The following SLC26A8 variants were observed in gnomAD, a reference collection of about 807,000 sequenced individuals.
The protein encoded by SLC26A8 is solute carrier family 26 member 8.
In SLC26A8, 70 loss-of-function variants were observed where a neutral mutation model predicts 105.0. That is an observed-to-expected ratio of 0.67 (90% confidence interval 0.55 to 0.81). The LOEUF (loss-of-function observed/expected upper bound fraction) is 0.81, where lower values mean the gene tolerates loss of function less well. Among genes scored for constraint, SLC26A8 ranks in the 40% least tolerant of loss-of-function variants. SLC26A8 has a pLI of 0.00. For synonymous variants in SLC26A8, 415 were observed against 438.3 expected (o/e 0.95, Z 0.66); for missense variants, 998 against 1,181.8 (o/e 0.84, Z 2.28).
chr6:36,020,598 G>A (rs1396821962), intron 1 of SLC26A8, among the ~76,000 whole-genome samples: 2 of 152,058 alleles, frequency 1.3e-5, no homozygotes, highest in African/African-American at 4.8e-5. Flanking sequence ...CAGCCTGGGT[G>A]TCAGAGCGAG....
At chr6:35,999,330 G>C (rs1475969446) in intron 4 of SLC26A8, among the ~76,000 whole-genome samples, 1 of 148,214 alleles carries the variant, frequency 6.7e-6, no homozygotes, top group African/African-American at 2.7e-5. Flanking sequence ...GTTCAGTGGA[G>C]AAATCCAGGA....
intron 11 of SLC26A8, among the ~76,000 whole-genome samples, chr6:35,966,524 A>G (rs1772522491): frequency 6.6e-6 from 1 of 152,188 alleles, no homozygotes; most frequent in South Asian, 2.1e-4. Context: ...CCCAGAGATA[A>G]CCACTGGTAT....
rs114434184 is a variant in SLC26A8 at position 35,957,930 on chromosome 6, T to A, written c.1863+1530A>T. Among the ~76,000 whole-genome samples the A allele has an allele frequency of 9.8e-4, 149 of 152,182 alleles. 1 individual carries two copies. Among genetic ancestry groups the A allele is most frequent in the South Asian group, 1.0e-3 (5 of 4,816 alleles). On this transcript the variant is annotated intron_variant, in intron 16 of 19. Coordinates refer to ENST00000490799, the MANE Select transcript of SLC26A8 (RefSeq NM_052961.4). ...CATCCGAGATCCTTCTTTTCTCTCCTCCATCTACTCTACGTTCTTATCTTT... is the reference window on the plus strand; with the variant it reads ...CATCCGAGATCCTTCTTTTCTCTCCACCATCTACTCTACGTTCTTATCTTT...
chr6:36,016,531 T>G (rs1231950744), intron 2 of SLC26A8, among the ~76,000 whole-genome samples: 1 of 152,244 alleles, frequency 6.6e-6, no homozygotes, highest in South Asian at 2.1e-4. Context: ...CTTGAAATAT[T>G]AGTTACATTC....
chr6:36,016,857 G>C (rs1762006577), intron 2 of SLC26A8, among the ~76,000 whole-genome samples: 1 of 152,062 alleles, frequency 6.6e-6, no homozygotes, highest in Non-Finnish European at 1.5e-5. Context: ...AAAATTCATA[G>C]AAGGAAACAT....
At chr6:35,966,023 TTTC>T (rs1366944986) in intron 11 of SLC26A8, among the ~76,000 whole-genome samples, 3 of 151,760 alleles carry the variant, frequency 2.0e-5, no homozygotes, top group African/African-American at 7.3e-5. Context: ...AAAAAAAGAT[TTTC>T]TTGTGGTCAT....
chr6:35,978,888 AG>A (rs1020930805), intron 8 of SLC26A8, among the ~76,000 whole-genome samples: 1 of 147,850 alleles, frequency 6.8e-6, no homozygotes, highest in African/African-American at 2.5e-5. Context: ...TGTGTCACCC[AG>A]GCTGGAGTGC....
intron 16 of SLC26A8, 120 bp from the exon 17 acceptor site, chr6:35,955,640 GAGAGTAGGTACTGTGCA>G: frequency 7.8e-7 from 1 of 1,288,520 alleles, no homozygotes; most frequent in Non-Finnish European, 1.1e-6. Flanking sequence ...AACTTCTCCC[GAGAGTAGGTACTGTGCA>G]TTTTTTACTT....
In SLC26A8 at chr6:35,981,065, C is replaced by A. The variant is rs960913163; in HGVS notation, c.1025+1056G>T. Among the ~76,000 whole-genome samples, 2 of 152,170 alleles carry A rather than the reference C, an allele frequency of 1.3e-5. No homozygotes were observed. Among genetic ancestry groups the A allele is most frequent in the African/African-American group, 4.8e-5 (2 of 41,526 alleles). The stretch of plus-strand genomic sequence containing the variant: ...ATCCTGGAGTTTAGCAAGTATGCTT[C>A]ACTCTTTACAGGATTCCTTATTATA... On this transcript the variant is annotated intron_variant, in intron 8 of 19. Transcript: ENST00000490799. This position sits in a 1 kb window ranked among gnomAD's most constrained non-coding sequence, Gnocchi z 4.0.
chr6:36,009,375 AACAACAAC>A (rs1383342251), intron 3 of SLC26A8, among the ~76,000 whole-genome samples: 5 of 151,808 alleles, frequency 3.3e-5, no homozygotes, highest in African/African-American at 9.7e-5. Context: ...CAACAACAAC[AACAACAAC>A]AAACCTGCAC....
intron 3 of SLC26A8, among the ~76,000 whole-genome samples, chr6:36,008,134 AAAAAT>A (rs1344986977): frequency 6.6e-6 from 1 of 151,338 alleles, no homozygotes; most frequent in African/African-American, 2.4e-5. Flanking sequence ...AAAAAAAAAA[AAAAAT>A]GGTGTTGAGG....
chr6:35,944,513 AATAATAATAATT>A (rs1192106433), intron 19 of SLC26A8, among the ~76,000 whole-genome samples, 173 bp from the exon 20 acceptor site: 2 of 93,580 alleles, frequency 2.1e-5, no homozygotes, highest in Non-Finnish European at 5.4e-5. Context: ...CTTAACAAAT[AATAATAATAATT>A]ATAATTATTA....
intron 7 of SLC26A8, among the ~76,000 whole-genome samples, chr6:35,989,318 T>C (rs1399173188): frequency 6.6e-6 from 1 of 152,238 alleles, no homozygotes; most frequent in East Asian, 1.9e-4. Context: ...TTTCCTGCTC[T>C]AGGAATTCAT....
chr6:35,962,225 C>CAAA (rs35900014), intron 12 of SLC26A8, among the ~76,000 whole-genome samples: 2 of 116,498 alleles, frequency 1.7e-5, no homozygotes, highest in Admixed American at 9.4e-5. Flanking sequence ...GACTCCGTCT[C>CAAA]AAAAAAAAAA....
At chr6:35,970,259 A>C (rs1481630453) in intron 10 of SLC26A8, among the ~76,000 whole-genome samples, 1 of 152,170 alleles carries the variant, frequency 6.6e-6, no homozygotes, top group Non-Finnish European at 1.5e-5. Flanking sequence ...ACACCTTCCC[A>C]CTGGGTTCCC....
At chr6:36,024,135 AG>A (rs1205051369) in intron 1 of SLC26A8, among the ~76,000 whole-genome samples, 1 of 152,170 alleles carries the variant, frequency 6.6e-6, no homozygotes, top group Non-Finnish European at 1.5e-5. Flanking sequence ...GGGGTCTGAA[AG>A]GAAGAGGAAC....
Position 36,017,867 on chromosome 6 carries a change from T to C in SLC26A8, c.188+1653A>G, listed in dbSNP as rs145001916. Among the ~76,000 whole-genome samples, 308 of 152,164 alleles carry C rather than the reference T, an allele frequency of 2.0e-3. 1 individual carries two copies. Among genetic ancestry groups the C allele is most frequent in the African/African-American group, 6.8e-3 (284 of 41,516 alleles). ...TTTTACAAAGGACAAAGGAAATGAA[T>C]AGACATTTCTCCAAAGAAGATATAC... On this transcript the variant is annotated intron_variant, in intron 2 of 19. Transcript: ENST00000490799.
At chr6:35,966,738 A>T (rs757182628) in intron 11 of SLC26A8, among the ~76,000 whole-genome samples, 1 of 152,166 alleles carries the variant, frequency 6.6e-6, no homozygotes, top group East Asian at 1.9e-4. Context: ...TACTCATAGA[A>T]CCTTATTGTT....
At chr6:36,003,864 T>C (rs1166929221) in intron 3 of SLC26A8, among the ~76,000 whole-genome samples, 2 of 151,972 alleles carry the variant, frequency 1.3e-5, no homozygotes, top group African/African-American at 4.8e-5. Flanking sequence ...GGTTTCACCA[T>C]GTTAGCCAGG....
Sources: allele counts gnomAD v4.1 joint callset (sites outside exome capture counted in the v4.1 genomes callset), GRCh38; gene constraint gnomAD v4.1.1; non-coding constraint Gnocchi (gnomAD v3.1); transcripts MANE v1.5; gene names NCBI Gene and HGNC (gene_info 2026-07-23, HGNC 2026-07-21).